Variants in PTBP3 observed in about 807,000 individuals in gnomAD.
PTBP3 encodes the protein polypyrimidine tract binding protein 3, also known as polypyrimidine tract-binding protein 3.
A neutral mutation model predicts 58.7 loss-of-function variants in PTBP3; 20 were observed. That is an observed-to-expected ratio of 0.34 (90% CI 0.24 to 0.50). The LOEUF (loss-of-function observed/expected upper bound fraction) is 0.50. PTBP3 is among the 20% of genes least tolerant of loss of function. The probability of loss-of-function intolerance (pLI) is 0.98; values close to 1 mark genes in which losing one functional copy is unlikely to be tolerated. For synonymous variants in PTBP3, 185 were observed against 219.8 expected, an observed-to-expected ratio of 0.84 and a Z score of 1.40; for missense variants, 509 against 637.2, an observed-to-expected ratio of 0.80 and a Z score of 2.17.
upstream of PTBP3, chr9:112,333,641 G>A: frequency 4.4e-6 from 3 of 682,510 alleles, no homozygotes; most frequent in Non-Finnish European, 6.8e-6. Context: ...CGGGGACCGG[G>A]CACGCTCCCG....
intron 10 of PTBP3, among the ~76,000 whole-genome samples, 192 bp from the exon 11 acceptor site, chr9:112,228,664 C>T (rs902886291): frequency 1.3e-5 from 2 of 152,176 alleles, no homozygotes; most frequent in African/African-American, 4.8e-5. Context: ...GATGTCCCAT[C>T]AACACTCTAA....
chr9:112,301,369 G>C (rs1828925134), intron 1 of PTBP3, among the ~76,000 whole-genome samples: 1 of 151,060 alleles, frequency 6.6e-6, no homozygotes, highest in Admixed American at 6.6e-5. Flanking sequence ...CCAGGATGTG[G>C]AAAAAATAGA....
rs142502624 is a variant in PTBP3 at position 112,223,437 on chromosome 9, T to C, written c.*414A>G. ...ATAACTTGGTCATAAGTGATTTAAA[T>C]TACTTACATCAAGTAATTTTAGAAG... On this transcript the variant is annotated 3_prime_UTR_variant, in exon 14 of 14. Coordinates refer to ENST00000374257, the MANE Select transcript of PTBP3 (RefSeq NM_001163788.4). 4.5e-5 allele frequency: 41 copies of C among 917,464 alleles called. No individual in the cohort carries two copies. In the Middle Eastern group the frequency reaches 1.7e-3, roughly 38 times the overall value. 56.8% of individuals were successfully genotyped at this position (917,464 alleles called of 1,614,324 possible). A position where few individuals can be genotyped will look rare whatever the true frequency, so the allele number is the denominator to read the frequency against.
the PTBP3 span, among the ~76,000 whole-genome samples, chr9:112,379,198 A>C: frequency 6.6e-6 from 1 of 152,182 alleles, no homozygotes; most frequent in Non-Finnish European, 1.5e-5. Flanking sequence ...AAAAAACAAA[A>C]CAAAAACAAA....
At chr9:112,261,169 A>C (rs1009430525) in intron 5 of PTBP3, among the ~76,000 whole-genome samples, 5 of 152,242 alleles carry the variant, frequency 3.3e-5, no homozygotes, top group African/African-American at 1.2e-4. Context: ...CCAATCACTT[A>C]AGCAACAGCT....
At chr9:112,243,644 C>G (rs1835752433) in intron 7 of PTBP3, among the ~76,000 whole-genome samples, 1 of 152,164 alleles carries the variant, frequency 6.6e-6, no homozygotes, top group Non-Finnish European at 1.5e-5. Context: ...AATCCACGGG[C>G]AAATTACTGG....
Position 112,223,508 on chromosome 9 carries a change from G to C in PTBP3, c.*343C>G, listed in dbSNP as rs1263676753. 5 of 932,998 alleles carry C rather than the reference G, an allele frequency of 5.4e-6. No individual in the cohort carries two copies. In the African/African-American group the frequency reaches 7.2e-5, roughly 13 times the overall value. 57.8% of individuals were successfully genotyped at this position (932,998 alleles called of 1,614,324 possible). ...AAGTACAAATGAGTTTAGAAATGTT[G>C]TATAAGGCTGATCTGGACCCAAACT... On this transcript the variant is annotated 3_prime_UTR_variant, in exon 14 of 14. Transcript: ENST00000374257.
chr9:112,368,220 GA>G, the PTBP3 span, among the ~76,000 whole-genome samples: 1 of 152,296 alleles, frequency 6.6e-6, no homozygotes, highest in South Asian at 2.1e-4. Flanking sequence ...GCCCAGGCTG[GA>G]GTACAATGGT....
intron 2 of PTBP3, among the ~76,000 whole-genome samples, chr9:112,297,060 C>T (rs1306255217): frequency 6.6e-6 from 1 of 152,182 alleles, no homozygotes; most frequent in East Asian, 1.9e-4. Context: ...CAGTACTGCA[C>T]TCCTTCAATT....
intron 6 of PTBP3, among the ~76,000 whole-genome samples, chr9:112,251,725 G>A (rs993714632): frequency 1.3e-5 from 2 of 151,992 alleles, no homozygotes; most frequent in African/African-American, 4.8e-5. Context: ...GGTATTTGTG[G>A]CCACTTAACG....
In PTBP3 at chr9:112,222,759, T is replaced by C. The variant is rs1834848424; in HGVS notation, c.*1092A>G. 4.2e-6 allele frequency: 4 copies of C among 961,180 alleles called. No homozygotes were observed. The highest frequency in any genetic ancestry group is 5.0e-6 in the Non-Finnish European group (4 of 807,598). The allele number at this position is 961,180 out of a possible 1,614,324, so 59.5% of individuals were successfully genotyped here. A position where few individuals can be genotyped will look rare whatever the true frequency, so the allele number is the denominator to read the frequency against. On this transcript the variant is annotated 3_prime_UTR_variant, in exon 14 of 14. Transcript: ENST00000374257. ...CAATATAGCTTTCAAGATATTTAGA[T>C]TAAACTCTAACCTATTGTATCTTAA...
chr9:112,314,457 A>T (rs1829620748), intron 1 of PTBP3, among the ~76,000 whole-genome samples: 1 of 152,158 alleles, frequency 6.6e-6, no homozygotes, highest in Non-Finnish European at 1.5e-5. Flanking sequence ...GCACTTTGAG[A>T]GGTCAAAGTG....
chr9:112,311,038 CA>C (rs1330804693), intron 1 of PTBP3, among the ~76,000 whole-genome samples: 3 of 152,080 alleles, frequency 2.0e-5, no homozygotes, highest in African/African-American at 7.2e-5. Context: ...GAGTTTTGAA[CA>C]GGAGTGAAAA....
chr9:112,257,029 T>C (rs1466309355), intron 5 of PTBP3, among the ~76,000 whole-genome samples: 1 of 152,226 alleles, frequency 6.6e-6, no homozygotes, highest in Non-Finnish European at 1.5e-5. Context: ...CTATAAAACC[T>C]AATTTCCACT....
Position 112,223,240 on chromosome 9 carries a change from T to C in PTBP3, c.*611A>G. The C allele has an allele frequency of 1.1e-6, 1 of 940,748 alleles. No homozygotes were observed. The highest frequency in any genetic ancestry group is 1.3e-6 in the Non-Finnish European group (1 of 789,006). 58.3% of individuals were successfully genotyped at this position (940,748 alleles called of 1,614,324 possible). A position where few individuals can be genotyped will look rare whatever the true frequency, so the allele number is the denominator to read the frequency against. ...GATAGGCATTATTTAAAGGAGTGTC[T>C]TACAGTGAAAAAAAGAAATCATTCA... On this transcript the variant is annotated 3_prime_UTR_variant, in exon 14 of 14. Coordinates refer to ENST00000374257, the MANE Select transcript of PTBP3 (RefSeq NM_001163788.4).
downstream of PTBP3, chr9:112,218,030 G>A (rs1237953713): frequency 6.6e-6 from 1 of 152,180 alleles, no homozygotes; most frequent in Non-Finnish European, 1.5e-5. Context: ...TACTAATGCC[G>A]TAGGGAAGCC....
intron 2 of PTBP3, among the ~76,000 whole-genome samples, chr9:112,286,556 C>A (rs1179670546): frequency 6.6e-6 from 1 of 152,074 alleles, no homozygotes; most frequent in Non-Finnish European, 1.5e-5. Flanking sequence ...ACTGTAAGAA[C>A]CTTCCAAAGT....
At chr9:112,227,827 AAAAC>A (rs989656585) in intron 11 of PTBP3, among the ~76,000 whole-genome samples, 200 bp from the exon 12 acceptor site, 11 of 152,228 alleles carry the variant, frequency 7.2e-5, no homozygotes, top group African/African-American at 2.7e-4. Context: ...AAAGCAATTT[AAAAC>A]AAACAAAAAA....
intron 7 of PTBP3, among the ~76,000 whole-genome samples, chr9:112,249,984 TAGAA>T (rs1018029219): frequency 1.5e-4 from 23 of 152,076 alleles, no homozygotes; most frequent in Admixed American, 2.6e-4. Flanking sequence ...TTATCAATAT[TAGAA>T]AGATGCATTG....
Sources: allele counts gnomAD v4.1 joint callset (sites outside exome capture counted in the v4.1 genomes callset), GRCh38; gene constraint gnomAD v4.1.1; transcripts MANE v1.5; gene names NCBI Gene and HGNC (gene_info 2026-07-23, HGNC 2026-07-21).